TMEM132C: variants seen among roughly 807,000 people sequenced by gnomAD.
The protein encoded by TMEM132C is protein phosphatase 1, regulatory subunit 152.
A neutral mutation model predicts 61.4 loss-of-function variants in TMEM132C; 29 were observed. The ratio of observed to expected loss-of-function variants is 0.47; its 90% CI spans 0.35 to 0.64. The LOEUF (loss-of-function observed/expected upper bound fraction) is 0.64, where lower values mean the gene tolerates loss of function less well. TMEM132C is among the 30% of genes least tolerant of loss of function. The probability of loss-of-function intolerance (pLI) is 0.00; values close to 1 mark genes in which losing one functional copy is unlikely to be tolerated. For synonymous variants in TMEM132C, 656 were observed against 633.1 expected (o/e 1.04, Z -0.54); for missense variants, 1,408 against 1,476.9 (o/e 0.95, Z 0.76).
chr12:128,323,960 CT>C (rs1565901200), intron 1 of TMEM132C, among the ~76,000 whole-genome samples: 1 of 152,212 alleles, frequency 6.6e-6, no homozygotes, highest in African/African-American at 2.4e-5. Flanking sequence ...CTGTAAGCAG[CT>C]CTTTGAGAAA....
At chr12:128,275,163 C>T (rs527478238) in intron 1 of TMEM132C, among the ~76,000 whole-genome samples, 3 of 152,130 alleles carry the variant, frequency 2.0e-5, no homozygotes, top group Admixed American at 6.5e-5. Flanking sequence ...GTCAGGGTTC[C>T]CCAACCCTCT....
chr12:128,335,902 A>G (rs958959405), intron 1 of TMEM132C, among the ~76,000 whole-genome samples: 1 of 152,230 alleles, frequency 6.6e-6, no homozygotes, highest in Non-Finnish European at 1.5e-5. Flanking sequence ...TTTCTCTCTC[A>G]TAATTATTTT....
At chr12:128,323,034 C>A (rs538878337) in intron 1 of TMEM132C, among the ~76,000 whole-genome samples, 1 of 152,346 alleles carries the variant, frequency 6.6e-6, no homozygotes, top group South Asian at 2.1e-4. Context: ...AAGGTCTCTG[C>A]TCCTGTGTGT....
At chr12:128,330,757 C>A (rs748963424) in intron 1 of TMEM132C, among the ~76,000 whole-genome samples, 1 of 152,010 alleles carries the variant, frequency 6.6e-6, no homozygotes, top group Non-Finnish European at 1.5e-5. Context: ...TAGAAAAATT[C>A]TAGTTTTAAC....
Position 128,705,268 on chromosome 12 carries a change from C to T in TMEM132C, c.2300C>T (p.Pro767Leu), listed in dbSNP as rs1954828533. 3.2e-6 allele frequency: 5 copies of T among 1,551,518 alleles called. No individual in the cohort carries two copies. Among genetic ancestry groups the T allele is most frequent in the South Asian group, 1.2e-5 (1 of 84,062 alleles). Reference protein sequence around the residue: ...VVVAEGEGQGPLIRVDMTIAE... With the variant: ...VVVAEGEGQGLLIRVDMTIAE... Reference sequence around the variant, plus strand: ...GTGGCCGAAGGGGAAGGCCAGGGCCCACTGATCCGAGTGGACATGACGATC... The same window carrying T: ...GTGGCCGAAGGGGAAGGCCAGGGCCTACTGATCCGAGTGGACATGACGATC... The change falls in exon 9 of 9, where the codon CCA (proline) becomes CTA (leucine). Residue 767 changes from proline to leucine, a missense_variant. Coordinates refer to ENST00000435159, the MANE Select transcript of TMEM132C (RefSeq NM_001136103.3).
intron 1 of TMEM132C, among the ~76,000 whole-genome samples, chr12:128,287,325 A>T (rs1468969541): frequency 6.6e-6 from 1 of 152,216 alleles, no homozygotes; most frequent in Admixed American, 6.5e-5. Flanking sequence ...TTTTACTAGG[A>T]AATAATTTTA....
At chr12:128,669,096 C>T (rs1954505040) in intron 4 of TMEM132C, among the ~76,000 whole-genome samples, 1 of 152,168 alleles carries the variant, frequency 6.6e-6, no homozygotes, top group Non-Finnish European at 1.5e-5. Context: ...GTTTCTGTTG[C>T]TTACAACCAA....
intron 4 of TMEM132C, among the ~76,000 whole-genome samples, chr12:128,647,666 A>T (rs1408903012): frequency 6.7e-6 from 1 of 150,266 alleles, no homozygotes; most frequent in Non-Finnish European, 1.5e-5. Context: ...GAGTGTGTTT[A>T]CTGGAGTCCA....
At chr12:128,667,266 C>G (rs1386840699) in intron 4 of TMEM132C, among the ~76,000 whole-genome samples, 1 of 152,160 alleles carries the variant, frequency 6.6e-6, no homozygotes. Flanking sequence ...AAACTAATCA[C>G]AATCCATGAG....
intron 1 of TMEM132C, among the ~76,000 whole-genome samples, chr12:128,307,380 C>T (rs1871818938): frequency 6.6e-6 from 1 of 150,650 alleles, no homozygotes; most frequent in African/African-American, 2.5e-5. Context: ...TAAAGACACT[C>T]AGAATTGTCT....
At chr12:128,554,011 A>T (rs527541580) in intron 3 of TMEM132C, among the ~76,000 whole-genome samples, 1 of 152,166 alleles carries the variant, frequency 6.6e-6, no homozygotes, top group African/African-American at 2.4e-5. Flanking sequence ...TTTAACCTCA[A>T]AACTTCTAAA....
At chr12:128,678,398 G>A (rs78687087) in intron 5 of TMEM132C, among the ~76,000 whole-genome samples, 3,012 of 152,212 alleles carry the variant, frequency 0.02, 53 homozygotes, top group African/African-American at 0.053. Context: ...TCTAGTGCCC[G>A]CATTCCATCT....
chr12:128,272,137 A>G (rs1325243353), intron 1 of TMEM132C, among the ~76,000 whole-genome samples: 2 of 152,348 alleles, frequency 1.3e-5, no homozygotes, highest in Non-Finnish European at 1.5e-5. Flanking sequence ...GGATTGCGGT[A>G]TAGAACGTGC....
At chr12:128,311,363 G>A (rs1427513387) in intron 1 of TMEM132C, among the ~76,000 whole-genome samples, 1 of 152,186 alleles carries the variant, frequency 6.6e-6, no homozygotes, top group Non-Finnish European at 1.5e-5. Flanking sequence ...ATGGAATTGT[G>A]AAGTGTCACC....
Position 128,338,757 on chromosome 12 carries a change from AATAT to A in TMEM132C, c.85+71287_85+71290del, listed in dbSNP as rs59699427. 2.5e-3 allele frequency among the ~76,000 whole-genome samples: 341 copies of A among 138,320 alleles called. 12 individuals carry two copies. Among genetic ancestry groups the A allele is most frequent in the African/African-American group, 8.5e-3 (268 of 31,350 alleles). The allele number at this position is 138,320 out of a possible 152,430, so 90.7% of individuals were successfully genotyped here. A position where few individuals can be genotyped will look rare whatever the true frequency, so the allele number is the denominator to read the frequency against. Reference sequence around the variant, plus strand: ...TCCTTTCTTGTTTTCCTTCTGCAGAAATATATATATATATATATATTTTGCACAA... The same window carrying A: ...TCCTTTCTTGTTTTCCTTCTGCAGAAATATATATATATATATTTTGCACAA... On this transcript the variant is annotated intron_variant, in intron 1 of 8. Transcript: ENST00000435159.
intron 1 of TMEM132C, among the ~76,000 whole-genome samples, chr12:128,400,455 G>A (rs1593040002): frequency 6.6e-6 from 1 of 152,154 alleles, no homozygotes; most frequent in East Asian, 1.9e-4. Flanking sequence ...CAGGGGCAGG[G>A]CTTTCCCAGC....
At chr12:128,641,989 A>G (rs866399979) in intron 4 of TMEM132C, among the ~76,000 whole-genome samples, 2,168 of 92,000 alleles carry the variant, frequency 0.024, 55 homozygotes, top group African/African-American at 0.083. Flanking sequence ...TTGTATTTTT[A>G]GTAGAGATGG....
chr12:128,689,883 T>G (rs1018219385), intron 5 of TMEM132C, among the ~76,000 whole-genome samples: 1 of 152,196 alleles, frequency 6.6e-6, no homozygotes, highest in Non-Finnish European at 1.5e-5. Context: ...CAGCAGTCTA[T>G]GCCAACAGGC....
intron 1 of TMEM132C, among the ~76,000 whole-genome samples, chr12:128,363,876 C>T (rs1242264420): frequency 6.6e-6 from 1 of 151,276 alleles, no homozygotes; most frequent in African/African-American, 2.4e-5. Flanking sequence ...AGATGGGGTC[C>T]CTTACTTCAA....
Sources: gnomAD v4.1 joint callset for allele counts (sites outside exome capture counted in the v4.1 genomes callset) on GRCh38, gnomAD v4.1.1 for gene constraint, MANE v1.5 for transcripts, NCBI Gene and HGNC (gene_info 2026-07-23, HGNC 2026-07-21) for gene names.